The following MCM8 variants were observed in gnomAD, a reference collection of about 807,000 sequenced individuals.
MCM8 encodes the protein DNA helicase MCM8.
A neutral mutation model predicts 98.9 loss-of-function variants in MCM8; 85 were observed. The ratio of observed to expected loss-of-function variants is 0.86; its 90% CI spans 0.72 to 1.03. MCM8 has a LOEUF of 1.03. Ranked by LOEUF, MCM8 falls within the 50% of genes least tolerant of loss-of-function variation. The pLI is 0.00. For synonymous variants in MCM8, 352 were observed against 338.6 expected (o/e 1.04, Z -0.44); for missense variants, 951 against 997.8 (o/e 0.95, Z 0.63).
At chr20:5,978,936 T>C (rs1197306610) in intron 13 of MCM8, among the ~76,000 whole-genome samples, 1 of 152,070 alleles carries the variant, frequency 6.6e-6, no homozygotes, top group African/African-American at 2.4e-5. Context: ...GAGTGACAGG[T>C]GGTAAGAAGT....
chr20:5,988,457 G>C (rs1325597553), intron 17 of MCM8, among the ~76,000 whole-genome samples: 1 of 149,190 alleles, frequency 6.7e-6, no homozygotes, highest in Admixed American at 6.7e-5. Flanking sequence ...GCAAGACTCT[G>C]TCTCAAAAAA....
intron 10 of MCM8, 53 bp downstream of exon 10, chr20:5,968,078 T>A: frequency 6.6e-7 from 1 of 1,509,350 alleles, no homozygotes; most frequent in Non-Finnish European, 9.0e-7. Flanking sequence ...TTGGGGGTTC[T>A]CTTGGCTACA....
chr20:5,967,188 T>C (rs2089293589), intron 8 of MCM8, among the ~76,000 whole-genome samples: 1 of 152,246 alleles, frequency 6.6e-6, no homozygotes, highest in Non-Finnish European at 1.5e-5. Flanking sequence ...TGATGATACC[T>C]CTACATACCC....
At chr20:5,951,989 C>G in intron 1 of MCM8, 22 bp from the exon 2 acceptor site, 2 of 1,590,758 alleles carry the variant, frequency 1.3e-6, no homozygotes, top group Non-Finnish European at 8.5e-7. Context: ...TGGTGAAGAC[C>G]TTTTTAATAT....
chr20:5,952,440 T>G lies in MCM8; in HGVS notation c.165T>G (p.Phe55Leu), dbSNP rs758134643. 1.2e-6 allele frequency: 2 copies of G among 1,614,008 alleles called. No homozygotes were observed. The highest frequency in any genetic ancestry group is 1.7e-6 in the Non-Finnish European group (2 of 1,179,998). ...TTTTTTCAGAACAAACCCCACAGTTTTTGCTTTCAACAAAGACCCCACAGT... is the reference window on the plus strand; with the variant it reads ...TTTTTTCAGAACAAACCCCACAGTTGTTGCTTTCAACAAAGACCCCACAGT... ...GKRTSEQTPQ[F>L]LLSTKTPQSM... Residue 55 changes from phenylalanine (F) to leucine (L), a missense_variant, in exon 3 of 19, where the codon TTT becomes TTG. Transcript: ENST00000610722.
chr20:5,985,349 C>A (rs143924827), intron 15 of MCM8, among the ~76,000 whole-genome samples: 5,298 of 149,130 alleles, frequency 0.036, 124 homozygotes, highest in Middle Eastern at 0.1. Context: ...GAGGCTGAGG[C>A]AGGAGAATTG....
At chr20:5,966,363 AT>A (rs1226548857) in intron 8 of MCM8, among the ~76,000 whole-genome samples, 1 of 149,378 alleles carries the variant, frequency 6.7e-6, no homozygotes, top group African/African-American at 2.5e-5. Context: ...TCATTCTTTC[AT>A]TTTCTTTGTT....
In MCM8 at chr20:5,986,101, G is replaced by C; in HGVS notation, c.2133G>C (p.Arg711Ser). 7 of 1,614,168 alleles carry C rather than the reference G, an allele frequency of 4.3e-6. No homozygotes were observed. The highest frequency in any genetic ancestry group is 5.9e-6 in the Non-Finnish European group (7 of 1,180,020). The change falls in exon 16 of 19, where the codon AGG (arginine) becomes AGC (serine). Residue 711 changes from arginine (R) to serine (S), a missense_variant. Coordinates refer to ENST00000610722, the MANE Select transcript of MCM8 (RefSeq NM_032485.6). ...TAAATAGCTCACCAATCACTACCAGGCAGCTGGAATCTTTGATTCGTCTGA... is the reference window on the plus strand; with the variant it reads ...TAAATAGCTCACCAATCACTACCAGCCAGCTGGAATCTTTGATTCGTCTGA... Reference protein sequence around the residue: ...QRLNSSPITTRQLESLIRLTE... With the variant: ...QRLNSSPITTSQLESLIRLTE...
In MCM8 at chr20:5,996,366, A is replaced by G. The variant is rs1417394346; in HGVS notation, c.*1975A>G. ...AGGAGTTAAAAGATATTTAAAGCAA[A>G]TAACTCAGGCATGGTGGTGTGTGCC... On this transcript the variant is annotated 3_prime_UTR_variant, in exon 19 of 19. Transcript: ENST00000610722. The G allele has an allele frequency of 6.6e-6, 1 of 152,012 alleles. No homozygotes were observed. Among genetic ancestry groups the G allele is most frequent in the Non-Finnish European group, 1.5e-5 (1 of 68,002 alleles). The allele number at this position is 152,012 out of a possible 1,614,324, so 9.4% of individuals were successfully genotyped here. A position where few individuals can be genotyped will look rare whatever the true frequency, so the allele number is the denominator to read the frequency against.
intron 8 of MCM8, among the ~76,000 whole-genome samples, chr20:5,963,996 T>A (rs1396506913): frequency 6.6e-6 from 1 of 152,248 alleles, no homozygotes; most frequent in Admixed American, 6.5e-5. Flanking sequence ...CATTCCATAT[T>A]GAGCTGTGAT....
At chr20:5,985,579 CTT>C (rs1161468565) in intron 15 of MCM8, among the ~76,000 whole-genome samples, 11 of 151,926 alleles carry the variant, frequency 7.2e-5, no homozygotes, top group South Asian at 6.2e-4. Flanking sequence ...TAGTCTCACT[CTT>C]ATCGCTCAGG....
At position 5,958,492 on chromosome 20, in the gene MCM8, C is replaced by A; in HGVS notation, c.591-36C>A. 2.6e-6 allele frequency: 4 copies of A among 1,536,756 alleles called. No homozygotes were observed. In the South Asian group the frequency reaches 3.5e-5, roughly 13 times the overall value. ...GAACTTGTGAAAATATAAAAAACATCAATTTTCTGTTCATTACTTCCTGTT... is the reference window on the plus strand; with the variant it reads ...GAACTTGTGAAAATATAAAAAACATAAATTTTCTGTTCATTACTTCCTGTT... On this transcript the variant is annotated intron_variant, in intron 6 of 18. Coordinates refer to ENST00000610722, the MANE Select transcript of MCM8 (RefSeq NM_032485.6).
intron 2 of MCM8, 94 bp from the exon 3 acceptor site, chr20:5,952,330 G>A (rs1317418548): frequency 6.4e-7 from 1 of 1,556,470 alleles, no homozygotes. Flanking sequence ...CCCTAATTTG[G>A]ATACTCTATT....
rs933847246 is a variant in MCM8, at chr20:5,955,670, A to G, written c.486+419A>G. ...GAAGCAAACCACTGAGTGTCCCTGT[A>G]TATCAAATGTAAATAACAGTTTGTA... On this transcript the variant is annotated intron_variant, in intron 5 of 18. Coordinates refer to ENST00000610722, the MANE Select transcript of MCM8 (RefSeq NM_032485.6). Among the ~76,000 whole-genome samples the G allele has an allele frequency of 3.9e-5, 6 of 152,220 alleles. 1 individual carries two copies. The East Asian group carries it at 9.6e-4, about 24-fold the overall frequency.
intron 17 of MCM8, among the ~76,000 whole-genome samples, chr20:5,990,326 G>C (rs59701847): frequency 0.073 from 11,172 of 152,004 alleles, 516 homozygotes; most frequent in East Asian, 0.24. Flanking sequence ...ATCTGCCCAC[G>C]TTGGCCTCCC....
chr20:5,989,815 G>A (rs2089810640), intron 17 of MCM8, among the ~76,000 whole-genome samples: 2 of 152,146 alleles, frequency 1.3e-5, no homozygotes, highest in African/African-American at 4.8e-5. Flanking sequence ...CTTAGAGGGA[G>A]TCCATGGAAG....
At chr20:5,961,293 A>G (rs1220900926) in intron 7 of MCM8, among the ~76,000 whole-genome samples, 1 of 152,172 alleles carries the variant, frequency 6.6e-6, no homozygotes, top group African/African-American at 2.4e-5. Context: ...CCTTGTTACC[A>G]TGGATGTATA....
At chr20:5,963,497 G>T in intron 8 of MCM8, 138 bp downstream of exon 8, 1 of 467,128 alleles carries the variant, frequency 2.1e-6, no homozygotes, top group Non-Finnish European at 3.8e-6. Context: ...TGGTTTATTT[G>T]ATGAAGAGTT....
At chr20:5,989,288 G>A (rs550939648) in intron 17 of MCM8, among the ~76,000 whole-genome samples, 41 of 151,968 alleles carry the variant, frequency 2.7e-4, no homozygotes, top group African/African-American at 8.5e-4. Flanking sequence ...GCTAATTTTT[G>A]TATTTTTAGT....
Sources: gnomAD v4.1 joint callset for allele counts (sites outside exome capture counted in the v4.1 genomes callset) on GRCh38, gnomAD v4.1.1 for gene constraint, MANE v1.5 for transcripts, NCBI Gene and HGNC (gene_info 2026-07-23, HGNC 2026-07-21) for gene names.